MPP7: variants seen among roughly 807,000 people sequenced by gnomAD.
The protein encoded by MPP7 is MAGUK p55 scaffold protein 7.
A neutral mutation model predicts 76.5 loss-of-function variants in MPP7; 60 were observed. That is an observed-to-expected ratio of 0.78 (90% CI 0.64 to 0.97). MPP7 has a LOEUF of 0.97. MPP7 is among the 50% of genes least tolerant of loss of function. The pLI is 0.00. For missense variants in MPP7, 641 were observed against 694.0 expected, an observed-to-expected ratio of 0.92 and a Z score of 0.86; for synonymous variants, 237 against 244.5, an observed-to-expected ratio of 0.97 and a Z score of 0.29.
chr10:28,163,340 A>T (rs2133831311), intron 3 of MPP7, among the ~76,000 whole-genome samples: 1 of 152,184 alleles, frequency 6.6e-6, no homozygotes, highest in Admixed American at 6.5e-5. Context: ...TTGACATTAG[A>T]TCTCAATTAA....
chr10:28,280,305 C>T (rs761169666), intron 1 of MPP7, among the ~76,000 whole-genome samples: 2 of 151,994 alleles, frequency 1.3e-5, no homozygotes, highest in Admixed American at 6.6e-5. Flanking sequence ...ATAAAATAAC[C>T]CAGTGTTTGC....
In MPP7 at chr10:28,238,435, T is replaced by C. The variant is rs905707803; in HGVS notation, c.37+133A>G. The C allele has an allele frequency of 1.2e-5, 11 of 901,604 alleles. No homozygotes were observed. In the Admixed American group the frequency reaches 1.5e-4, roughly 13 times the overall value. The allele number at this position is 901,604 out of a possible 1,614,324, so 55.9% of individuals were successfully genotyped here. A position where few individuals can be genotyped will look rare whatever the true frequency, so the allele number is the denominator to read the frequency against. ...ACCTAGGAGGGCATCCCTGAGTTGATCTTATGTCCCTAGTGTTGGTGACAG... is the reference window on the plus strand; with the variant it reads ...ACCTAGGAGGGCATCCCTGAGTTGACCTTATGTCCCTAGTGTTGGTGACAG... On this transcript the variant is annotated intron_variant, in intron 2 of 16. Coordinates refer to ENST00000683449, the MANE Select transcript of MPP7 (RefSeq NM_001318170.2).
At chr10:28,136,195 TC>T (rs1835349198) in intron 5 of MPP7, among the ~76,000 whole-genome samples, 1 of 151,818 alleles carries the variant, frequency 6.6e-6, no homozygotes, top group South Asian at 2.1e-4. Context: ...TTCCCACTGA[TC>T]CTACATTATG....
chr10:28,187,019 G>C (rs571856101), intron 3 of MPP7, among the ~76,000 whole-genome samples: 1 of 152,070 alleles, frequency 6.6e-6, no homozygotes, highest in Non-Finnish European at 1.5e-5. Context: ...AGATTTCTAG[G>C]TAAGAAACTC....
At chr10:28,312,391 A>C (rs1211892289) in intron 2 of MPP7, among the ~76,000 whole-genome samples, 1 of 152,104 alleles carries the variant, frequency 6.6e-6, no homozygotes, top group African/African-American at 2.4e-5. Flanking sequence ...CTAGCTACAG[A>C]GCGCTAATTG....
At chr10:28,131,109 C>T (rs191725173) in intron 6 of MPP7, among the ~76,000 whole-genome samples, 35 of 152,226 alleles carry the variant, frequency 2.3e-4, no homozygotes, top group Non-Finnish European at 5.9e-5. Flanking sequence ...CAAATAAGAT[C>T]TTCAAAAGAT....
At chr10:28,066,312 T>C (rs1269885226) in intron 13 of MPP7, among the ~76,000 whole-genome samples, 1 of 152,236 alleles carries the variant, frequency 6.6e-6, no homozygotes, top group Non-Finnish European at 1.5e-5. Flanking sequence ...TATTATTACA[T>C]GGATAATTTT....
intron 1 of MPP7, among the ~76,000 whole-genome samples, chr10:28,249,055 T>C (rs976823517): frequency 3.6e-4 from 55 of 152,228 alleles, no homozygotes; most frequent in African/African-American, 1.3e-3. Flanking sequence ...AATATGTGGC[T>C]CCAAACATTA....
intron 3 of MPP7, among the ~76,000 whole-genome samples, chr10:28,183,207 G>T (rs1018948696): frequency 2.0e-5 from 3 of 152,148 alleles, no homozygotes; most frequent in Non-Finnish European, 2.9e-5. Flanking sequence ...CAAGATGAAG[G>T]TTATCACTGG....
Position 28,120,266 on chromosome 10 carries a change from C to G in MPP7, c.815G>C (p.Trp272Ser). Residue 272 changes from tryptophan to serine, a missense_variant, in exon 10 of 17, where the codon TGG becomes TCG. Physicochemically the swap from Trp to Ser is radical, Grantham distance 177. Transcript: ENST00000683449. ...LQIMSQDDAT[W>S]WQAKHEADAN... The stretch of plus-strand genomic sequence containing the variant: ...ATCAGCTTCGTGTTTCGCTTGCCAC[C>G]AAGTTGCATCATCTTGGCTCATAAT... The G allele has an allele frequency of 1.2e-6, 2 of 1,614,050 alleles. No individual in the cohort carries two copies. The highest frequency in any genetic ancestry group is 1.7e-6 in the Non-Finnish European group (2 of 1,179,966).
intron 1 of MPP7, among the ~76,000 whole-genome samples, chr10:28,246,776 T>G (rs1839448054): frequency 6.6e-6 from 1 of 152,030 alleles, no homozygotes; most frequent in Non-Finnish European, 1.5e-5. Context: ...TCCAATTACC[T>G]CCTACTAGAT....
At chr10:28,243,184 G>C (rs1839326178) in intron 1 of MPP7, among the ~76,000 whole-genome samples, 1 of 152,034 alleles carries the variant, frequency 6.6e-6, no homozygotes, top group Non-Finnish European at 1.5e-5. Context: ...ATACTTTCAA[G>C]GGAAACCAAA....
intron 5 of MPP7, among the ~76,000 whole-genome samples, chr10:28,145,482 T>C (rs111634702): frequency 6.5e-4 from 99 of 152,250 alleles, no homozygotes; most frequent in African/African-American, 2.1e-3. Context: ...AGGACAAAAA[T>C]AGATTAACTG....
At chr10:28,233,675 G>A (rs1444592640) in intron 2 of MPP7, among the ~76,000 whole-genome samples, 1 of 147,228 alleles carries the variant, frequency 6.8e-6, no homozygotes, top group East Asian at 2.1e-4. Flanking sequence ...CCTAGACAGC[G>A]CCACTGCATT....
At chr10:28,240,276 T>C (rs1019198485) in intron 1 of MPP7, among the ~76,000 whole-genome samples, 2 of 152,176 alleles carry the variant, frequency 1.3e-5, no homozygotes, top group African/African-American at 4.8e-5. Flanking sequence ...ACATCAATTC[T>C]GAAAGCCTTT....
At chr10:28,109,540 TA>T (rs1834429121) in intron 11 of MPP7, among the ~76,000 whole-genome samples, 1 of 151,958 alleles carries the variant, frequency 6.6e-6, no homozygotes, top group Admixed American at 6.6e-5. Context: ...TTCCGGAATA[TA>T]ATAACCAAAG....
chr10:28,178,710 G>C (rs922597851), intron 3 of MPP7, among the ~76,000 whole-genome samples: 3 of 152,062 alleles, frequency 2.0e-5, no homozygotes, highest in Non-Finnish European at 4.4e-5. Flanking sequence ...CTGGAAGAGA[G>C]AAACAAGGTA....
At chr10:28,139,922 T>G (rs1425952857) in intron 5 of MPP7, among the ~76,000 whole-genome samples, 1 of 152,178 alleles carries the variant, frequency 6.6e-6, no homozygotes, top group Non-Finnish European at 1.5e-5. Context: ...AAATTTTATA[T>G]TAAAAAGGTT....
intron 13 of MPP7, among the ~76,000 whole-genome samples, chr10:28,061,718 G>A (rs1171865524): frequency 1.3e-5 from 2 of 151,928 alleles, no homozygotes; most frequent in Non-Finnish European, 2.9e-5. Flanking sequence ...ACACTCAGAA[G>A]GGAAAAATTA....
Sources: gnomAD v4.1 joint callset for allele counts (sites outside exome capture counted in the v4.1 genomes callset) on GRCh38, gnomAD v4.1.1 for gene constraint, MANE v1.5 for transcripts, NCBI Gene and HGNC (gene_info 2026-07-23, HGNC 2026-07-21) for gene names.